The following CLK3 variants were observed in gnomAD, a reference collection of about 807,000 sequenced individuals.
CLK3 encodes the protein CDC like kinase 3, also known as dual specificity protein kinase CLK3.
CLK3 carries 24 observed loss-of-function variants against 65.2 expected under a neutral mutation model. That is an observed-to-expected ratio of 0.37 (90% CI 0.27 to 0.52). The LOEUF (loss-of-function observed/expected upper bound fraction) is 0.52, where lower values mean the gene tolerates loss of function less well. Among genes scored for constraint, CLK3 ranks in the 20% least tolerant of loss-of-function variants. The pLI is 0.92. For missense variants in CLK3, 506 were observed against 660.0 expected, an observed-to-expected ratio of 0.77 and a Z score of 2.56; for synonymous variants, 252 against 240.8, an observed-to-expected ratio of 1.05 and a Z score of -0.43.
In CLK3 at chr15:74,627,446, G is replaced by C; in HGVS notation, c.912G>C (p.Lys304Asn). 6.2e-7 allele frequency: 1 copy of C among 1,614,136 alleles called. No homozygotes were observed. The highest frequency in any genetic ancestry group is 8.5e-7 in the Non-Finnish European group (1 of 1,179,932). ...SEFETLYNEH[K>N]SCEEKSVKNT... ...TTGAAACCCTCTACAATGAGCACAA[G>C]GTATTGGTGGGGGTAAGGGTGAGGC... Residue 304 changes from lysine (K) to asparagine (N), a missense_variant and splice_region_variant, in exon 8 of 13, where the codon AAG (lysine) becomes AAC (asparagine). Transcript: ENST00000395066. This position sits in a 1 kb window ranked among gnomAD's most constrained non-coding sequence, Gnocchi z 4.3.
At chr15:74,628,504 G>T in intron 10 of CLK3, 100 bp from the exon 11 acceptor site, 1 of 793,118 alleles carries the variant, frequency 1.3e-6, no homozygotes, top group Non-Finnish European at 2.1e-6. Flanking sequence ...TGCATGTCCT[G>T]GGGCAGTGAG....
rs2062154322 is a variant in CLK3 at position 74,627,625 on chromosome 15, C to T, written c.999C>T (p.Thr333=). ...SATFDHEHHT[T]IVATRHYRPP... The stretch of plus-strand genomic sequence containing the variant: ...CATTTGACCATGAGCACCACACCAC[C>T]ATTGTGGCCACCCGTCACTATCGCC... The change falls in exon 9 of 13, where the codon ACC becomes ACT. Residue 333 remains threonine (T), a synonymous_variant. Coordinates refer to ENST00000395066, the MANE Select transcript of CLK3 (RefSeq NM_001130028.2). This position sits in a 1 kb window ranked among gnomAD's most constrained non-coding sequence, Gnocchi z 4.3. 6.2e-7 allele frequency: 1 copy of T among 1,613,972 alleles called. No homozygotes were observed. Among genetic ancestry groups the T allele is most frequent in the South Asian group, 1.1e-5 (1 of 91,082 alleles).
chr15:74,608,966 G>A (rs188625479), intron 1 of CLK3, among the ~76,000 whole-genome samples: 1 of 152,312 alleles, frequency 6.6e-6, no homozygotes, highest in East Asian at 1.9e-4. Context: ...ACCCAGTGCT[G>A]CTAGCAGCCC....
chr15:74,622,712 G>A lies in CLK3; in HGVS notation c.533+152G>A, dbSNP rs1451472798. ...AGGGTTCCGACCTGTCCATGTTGGG[G>A]TTTTGCTGACCCCCTGTAATAAGGG... On this transcript the variant is annotated intron_variant, in intron 5 of 12. Coordinates refer to ENST00000395066, the MANE Select transcript of CLK3 (RefSeq NM_001130028.2). The surrounding 1 kb of genome is among the most constrained non-coding windows in gnomAD (Gnocchi z 4.6). 5.7e-6 allele frequency: 3 copies of A among 530,574 alleles called. No individual in the cohort carries two copies. Among genetic ancestry groups the A allele is most frequent in the African/African-American group, 1.9e-5 (1 of 51,894 alleles). The allele number at this position is 530,574 out of a possible 1,614,324, so 32.9% of individuals were successfully genotyped here.
At chr15:74,618,044 G>A (rs559646831) in intron 1 of CLK3, among the ~76,000 whole-genome samples, 98 of 152,338 alleles carry the variant, frequency 6.4e-4, no homozygotes, top group African/African-American at 2.2e-3. Context: ...TCCTGCTCAA[G>A]CATGGGGAGC....
rs1042475058 is a variant in CLK3, at chr15:74,610,687, CCTCTCCAGCTG to C, written c.-1+2275_-1+2285del. ...CTCCAGCTGGGCCCGAGATACACCG[CCTCTCCAGCTG>C]CTCTCCAGCTGCTGACAGCTTCAGG... On this transcript the variant is annotated intron_variant, in intron 1 of 12. Transcript: ENST00000345005. 6.6e-4 allele frequency among the ~76,000 whole-genome samples: 101 copies of C among 152,370 alleles called. 1 individual carries two copies. Among genetic ancestry groups the C allele is most frequent in the African/African-American group, 2.4e-3 (99 of 41,590 alleles).
In CLK3 at chr15:74,627,677, CTG is replaced by C. The variant is rs1234988940; in HGVS notation, c.1042+11_1042+12del. Reference sequence around the variant, plus strand: ...GCCTGAGGTGATCCTTGGTGAGTGACTGTATGGCCTGTGACCTTGTCATACTG... The same window carrying C: ...GCCTGAGGTGATCCTTGGTGAGTGACTATGGCCTGTGACCTTGTCATACTG... On this transcript the variant is annotated intron_variant, in intron 9 of 12. Coordinates refer to ENST00000395066, the MANE Select transcript of CLK3 (RefSeq NM_001130028.2). This position sits in a 1 kb window ranked among gnomAD's most constrained non-coding sequence, Gnocchi z 4.3. 1 of 1,613,310 alleles carries C rather than the reference CTG, an allele frequency of 6.2e-7. No individual in the cohort carries two copies. Among genetic ancestry groups the C allele is most frequent in the Non-Finnish European group, 8.5e-7 (1 of 1,180,010 alleles).
chr15:74,625,831 A>G lies in CLK3; in HGVS notation c.680A>G (p.Asn227Ser), dbSNP rs764902947. The change falls in exon 7 of 13, where the codon AAC (asparagine) becomes AGC (serine). Residue 227 changes from asparagine to serine, a missense_variant. This residue lies in a region of CLK3 where 325 missense variants were observed against 500.5 expected (regional missense o/e 0.65). Coordinates refer to ENST00000395066, the MANE Select transcript of CLK3 (RefSeq NM_001130028.2). Reference protein sequence around the residue: ...FLCVLMSDWFNFHGHMCIAFE... With the variant: ...FLCVLMSDWFSFHGHMCIAFE... ...TGTGTCTTGATGTCTGACTGGTTCA[A>G]CTTCCACGGTCACATGTGCATCGCC... 1.9e-6 allele frequency: 3 copies of G among 1,614,130 alleles called. No individual in the cohort carries two copies. Among genetic ancestry groups the G allele is most frequent in the Admixed American group, 1.7e-5 (1 of 60,016 alleles).
chr15:74,609,950 G>T (rs924673538), intron 1 of CLK3, among the ~76,000 whole-genome samples: 2 of 152,246 alleles, frequency 1.3e-5, no homozygotes, highest in Non-Finnish European at 2.9e-5. Context: ...CAGGAGGGAA[G>T]TCACTGAATG....
rs1338246579 is a variant in CLK3, at chr15:74,627,427, C to A, written c.893C>A (p.Thr298Asn). The A allele has an allele frequency of 6.2e-7, 1 of 1,614,080 alleles. No individual in the cohort carries two copies. Among genetic ancestry groups the A allele is most frequent in the Non-Finnish European group, 8.5e-7 (1 of 1,180,006 alleles). The part of the protein sequence containing the change: ...NILFVNSEFE[T>N]LYNEHKSCEE... ...CTGTTTGTGAATTCTGAGTTTGAAA[C>A]CCTCTACAATGAGCACAAGGTATTG... Residue 298 changes from threonine (T) to asparagine (N), a missense_variant, in exon 8 of 13, where the codon ACC (threonine) becomes AAC (asparagine). By Grantham distance (65) the Thr-to-Asn change is moderately conservative (BLOSUM62 0). Around this residue, in one of 2 missense-constraint regions of CLK3, gnomAD observed 325 missense variants for 500.5 expected, o/e 0.65. Transcript: ENST00000395066. The surrounding 1 kb of genome is among the most constrained non-coding windows in gnomAD (Gnocchi z 4.3).
rs1307039444 is a variant in CLK3, at chr15:74,621,213, C to G, written c.370-907C>G. The G allele has an allele frequency of 6.5e-5, 10 of 152,676 alleles. No homozygotes were observed. The East Asian group carries it at 1.5e-3, about 23-fold the overall frequency. 9.5% of individuals were successfully genotyped at this position (152,676 alleles called of 1,614,324 possible). ...GCAGCGTGGCCCTTTCACCTCTTTGCACACTGCCACATGCTGCCACAGGAT... is the reference window on the plus strand; with the variant it reads ...GCAGCGTGGCCCTTTCACCTCTTTGGACACTGCCACATGCTGCCACAGGAT... On this transcript the variant is annotated intron_variant, in intron 3 of 12. Coordinates refer to ENST00000395066, the MANE Select transcript of CLK3 (RefSeq NM_001130028.2). This position sits in a 1 kb window ranked among gnomAD's most constrained non-coding sequence, Gnocchi z 4.8.
chr15:74,622,682 A>G lies in CLK3; in HGVS notation c.533+122A>G. The G allele has an allele frequency of 1.4e-6, 1 of 698,732 alleles. No homozygotes were observed. The highest frequency in any genetic ancestry group is 2.1e-5 in the South Asian group (1 of 47,190). The allele number at this position is 698,732 out of a possible 1,614,324, so 43.3% of individuals were successfully genotyped here. On this transcript the variant is annotated intron_variant, in intron 5 of 12. Transcript: ENST00000395066. This position sits in a 1 kb window ranked among gnomAD's most constrained non-coding sequence, Gnocchi z 4.6. ...TTTTTTCTTTTTGAAGGGTGGCATCAAAGTAGGGTTCCGACCTGTCCATGT... is the reference window on the plus strand; with the variant it reads ...TTTTTTCTTTTTGAAGGGTGGCATCGAAGTAGGGTTCCGACCTGTCCATGT...
chr15:74,610,598 G>A (rs1352928417), intron 1 of CLK3, among the ~76,000 whole-genome samples: 2 of 152,254 alleles, frequency 1.3e-5, no homozygotes, highest in Non-Finnish European at 2.9e-5. Context: ...ACTGTGCCCT[G>A]GGGCCCTGAG....
chr15:74,622,780 G>GA lies in CLK3; in HGVS notation c.533+222dup, dbSNP rs1426603414. On this transcript the variant is annotated intron_variant, in intron 5 of 12. Coordinates refer to ENST00000395066, the MANE Select transcript of CLK3 (RefSeq NM_001130028.2). This position sits in a 1 kb window ranked among gnomAD's most constrained non-coding sequence, Gnocchi z 4.6. Reference sequence around the variant, plus strand: ...GCAGTTATGTGGCATCCCTACCCAAGAATTGTTGGTCAGTGAAAGGTTCTG... The same window carrying GA: ...GCAGTTATGTGGCATCCCTACCCAAGAAATTGTTGGTCAGTGAAAGGTTCTG... Among the ~76,000 whole-genome samples the GA allele has an allele frequency of 3.9e-5, 6 of 152,222 alleles. No individual in the cohort carries two copies. Among genetic ancestry groups the GA allele is most frequent in the Non-Finnish European group, 8.8e-5 (6 of 68,044 alleles).
chr15:74,628,871 C>A, intron 11 of CLK3, 71 bp from the exon 12 acceptor site: 1 of 1,196,892 alleles, frequency 8.4e-7, no homozygotes, highest in Non-Finnish European at 1.2e-6. Flanking sequence ...GGGAGCTGCT[C>A]TTCCCCACCT....
Position 74,625,937 on chromosome 15 carries a change from C to T in CLK3, c.786C>T (p.His262=). The change falls in exon 7 of 13, where the codon CAC becomes CAT. Residue 262 remains histidine (H), a synonymous_variant. Coordinates refer to ENST00000395066, the MANE Select transcript of CLK3 (RefSeq NM_001130028.2). The part of the protein sequence containing the change: ...FQPYPLPHVR[H]MAYQLCHALR... ...CTTACCCCCTACCACATGTCCGGCACATGGCCTACCAGCTCTGCCACGCCC... is the reference window on the plus strand; with the variant it reads ...CTTACCCCCTACCACATGTCCGGCATATGGCCTACCAGCTCTGCCACGCCC... 1 of 1,614,100 alleles carries T rather than the reference C, an allele frequency of 6.2e-7. No individual in the cohort carries two copies. The highest frequency in any genetic ancestry group is 1.3e-5 in the African/African-American group (1 of 75,058).
At chr15:74,620,289 C>T (rs2062091752) in intron 3 of CLK3, 64 bp downstream of exon 3, 1 of 1,596,932 alleles carries the variant, frequency 6.3e-7, no homozygotes, top group African/African-American at 1.3e-5. Context: ...AGCCTTCTCT[C>T]AGGCTGGCTG....
chr15:74,618,159 G>A (rs1011128389), intron 1 of CLK3, among the ~76,000 whole-genome samples: 11 of 152,240 alleles, frequency 7.2e-5, no homozygotes, highest in Admixed American at 7.2e-4. Flanking sequence ...GACTGACCAT[G>A]ACTGGAGGTT....
intron 1 of CLK3, among the ~76,000 whole-genome samples, chr15:74,609,176 G>C (rs2141520177): frequency 6.6e-6 from 1 of 152,318 alleles, no homozygotes; most frequent in Non-Finnish European, 1.5e-5. Context: ...CCTCCACCAG[G>C]GTTGTGGAGC....
Sources: gnomAD v4.1 joint callset for allele counts (sites outside exome capture counted in the v4.1 genomes callset) on GRCh38, gnomAD v4.1.1 for gene constraint, gnomAD v4.1.1 regional missense constraint, Gnocchi (gnomAD v3.1) non-coding constraint, MANE v1.5 for transcripts, NCBI Gene and HGNC (gene_info 2026-07-23, HGNC 2026-07-21) for gene names.